Variants in DPYSL2 observed in about 807,000 individuals in gnomAD.
DPYSL2 encodes the protein dihydropyrimidinase like 2.
A neutral mutation model predicts 69.9 loss-of-function variants in DPYSL2; 13 were observed. The observed-to-expected ratio is 0.19, with a 90% CI of 0.12 to 0.30. The LOEUF (loss-of-function observed/expected upper bound fraction) is 0.30. Among genes scored for constraint, DPYSL2 ranks in the 10% least tolerant of loss-of-function variants. The probability of loss-of-function intolerance (pLI) is 1.00; values close to 1 mark genes in which losing one functional copy is unlikely to be tolerated. For synonymous variants in DPYSL2, 326 were observed against 359.1 expected, an observed-to-expected ratio of 0.91 and a Z score of 1.04; for missense variants, 587 against 918.9, an observed-to-expected ratio of 0.64 and a Z score of 4.67.
Position 26,586,851 on chromosome 8 carries a change from CTA to C in DPYSL2, c.628+2871_628+2872del, listed in dbSNP as rs554003129. Among the ~76,000 whole-genome samples, 156 of 152,314 alleles carry C rather than the reference CTA, an allele frequency of 1.0e-3. No homozygotes were observed. The highest frequency in any genetic ancestry group is 2.2e-3 in the African/African-American group (93 of 41,558). ...ACGGAGGCTGTGTGATGCGATCTGG[CTA>C]TAGAGTGGGGCATCCAATGAGCGAA... is the stretch of plus-strand genomic sequence containing the variant. On this transcript the variant is annotated intron_variant, in intron 3 of 13. Coordinates refer to ENST00000521913, the MANE Select transcript of DPYSL2 (RefSeq NM_001197293.3). This position sits in a 1 kb window ranked among gnomAD's most constrained non-coding sequence, Gnocchi z 4.7.
Position 26,653,215 on chromosome 8 carries a change from A to T in DPYSL2, c.1777-17A>T. On this transcript the variant is annotated splice_polypyrimidine_tract_variant and intron_variant, in intron 12 of 13. Transcript: ENST00000521913. This position sits in a 1 kb window ranked among gnomAD's most constrained non-coding sequence, Gnocchi z 5.7. ...TGTGGCTGTGGCCTGAGCTGGGGGG[A>T]CTCTTGTGTTTTGCAGCTGGCTGAG... The T allele has an allele frequency of 1.9e-6, 3 of 1,609,072 alleles. No individual in the cohort carries two copies. In the African/African-American group the frequency reaches 4.0e-5, roughly 22 times the overall value.
In DPYSL2 at chr8:26,634,915, C is replaced by A; in HGVS notation, c.1126+15C>A. 6.2e-7 allele frequency: 1 copy of A among 1,613,732 alleles called. No individual in the cohort carries two copies. The highest frequency in any genetic ancestry group is 1.1e-5 in the South Asian group (1 of 91,056). On this transcript the variant is annotated intron_variant, in intron 8 of 13. Transcript: ENST00000521913. Reference sequence around the variant, plus strand: ...ACGGAAGAAGGGTGAGTGCTGTGGCCGGACTGGCTGATGGCAGGTGGGGAG... The same window carrying A: ...ACGGAAGAAGGGTGAGTGCTGTGGCAGGACTGGCTGATGGCAGGTGGGGAG...
In DPYSL2 at chr8:26,653,538, C is replaced by T; in HGVS notation, c.1942+141C>T. On this transcript the variant is annotated intron_variant, in intron 13 of 13. Coordinates refer to ENST00000521913, the MANE Select transcript of DPYSL2 (RefSeq NM_001197293.3). This position sits in a 1 kb window ranked among gnomAD's most constrained non-coding sequence, Gnocchi z 5.7. ...TCTCCAACGTGAGAAATACAGTGGACTCAGATCTCTGGAGATGTATTTTCT... is the reference window on the plus strand; with the variant it reads ...TCTCCAACGTGAGAAATACAGTGGATTCAGATCTCTGGAGATGTATTTTCT... 1.1e-6 allele frequency: 1 copy of T among 952,140 alleles called. No individual in the cohort carries two copies. The highest frequency in any genetic ancestry group is 1.6e-6 in the Non-Finnish European group (1 of 639,454). The allele number at this position is 952,140 out of a possible 1,614,324, so 59.0% of individuals were successfully genotyped here. A position where few individuals can be genotyped will look rare whatever the true frequency, so the allele number is the denominator to read the frequency against.
rs1389600830 is a variant in DPYSL2, at chr8:26,642,230, C to G, written c.1127-1209C>G. 6.6e-6 allele frequency among the ~76,000 whole-genome samples: 1 copy of G among 152,134 alleles called. No individual in the cohort carries two copies. The highest frequency in any genetic ancestry group is 1.5e-5 in the Non-Finnish European group (1 of 68,026). On this transcript the variant is annotated intron_variant, in intron 8 of 13. Transcript: ENST00000521913. This position sits in a 1 kb window ranked among gnomAD's most constrained non-coding sequence, Gnocchi z 5.3. ...CAGGTAAATGATCTTCAAGGTGTCT[C>G]CATCAGGTGGAAAGTCAAAAATTCA...
At chr8:26,628,999 G>C (rs1802678043) in intron 7 of DPYSL2, among the ~76,000 whole-genome samples, 1 of 152,168 alleles carries the variant, frequency 6.6e-6, no homozygotes, top group South Asian at 2.1e-4. Flanking sequence ...ACTGCCTCGG[G>C]TGCAGGAGGG....
At chr8:26,546,921 CAAAAAAAAAAAAAAAA>C (rs61360009) in intron 1 of DPYSL2, among the ~76,000 whole-genome samples, 3 of 46,206 alleles carry the variant, frequency 6.5e-5, no homozygotes, top group Admixed American at 3.9e-4. Context: ...GACTCAGTCT[CAAAAAAAAAAAAAAAA>C]AAAAAAAAAA....
rs893956619 is a variant in DPYSL2, at chr8:26,624,330, C to G, written c.793+23C>G. 4.3e-6 allele frequency: 7 copies of G among 1,611,592 alleles called. No homozygotes were observed. Among genetic ancestry groups the G allele is most frequent in the Non-Finnish European group, 5.9e-6 (7 of 1,178,434 alleles). On this transcript the variant is annotated intron_variant, in intron 4 of 13. Coordinates refer to ENST00000521913, the MANE Select transcript of DPYSL2 (RefSeq NM_001197293.3). The surrounding 1 kb of genome is among the most constrained non-coding windows in gnomAD (Gnocchi z 4.7). ...ACGGTAGGTTGCACTGAGTCAATGC[C>G]CTCTGCAGATGTTTCCGCTTCAGTC...
intron 10 of DPYSL2, among the ~76,000 whole-genome samples, chr8:26,645,829 T>C (rs1367666543): frequency 6.6e-6 from 1 of 151,970 alleles, no homozygotes; most frequent in Non-Finnish European, 1.5e-5. Flanking sequence ...GCATTACAGA[T>C]GTGAGCCACC....
At chr8:26,556,556 G>A (rs1243506692) in intron 1 of DPYSL2, among the ~76,000 whole-genome samples, 18 of 149,678 alleles carry the variant, frequency 1.2e-4, no homozygotes, top group Non-Finnish European at 4.4e-5. Flanking sequence ...TGAACAATTA[G>A]AATTTATATT....
At chr8:26,522,566 T>C (rs928637112) in intron 1 of DPYSL2, among the ~76,000 whole-genome samples, 4 of 152,230 alleles carry the variant, frequency 2.6e-5, no homozygotes, top group Non-Finnish European at 4.4e-5. Context: ...TGGTATCTCA[T>C]TGAGGCTTTA....
intron 2 of DPYSL2, 102 bp from the exon 3 acceptor site, chr8:26,583,697 C>A: frequency 9.2e-7 from 1 of 1,088,518 alleles, no homozygotes; most frequent in Non-Finnish European, 1.3e-6. Flanking sequence ...AAGCCCACGG[C>A]ACAGAGCGGA....
Position 26,640,434 on chromosome 8 carries a change from C to A in DPYSL2, c.1127-3005C>A, listed in dbSNP as rs77926757. On this transcript the variant is annotated intron_variant, in intron 8 of 13. Coordinates refer to ENST00000521913, the MANE Select transcript of DPYSL2 (RefSeq NM_001197293.3). The surrounding 1 kb of genome is among the most constrained non-coding windows in gnomAD (Gnocchi z 4.2). The stretch of plus-strand genomic sequence containing the variant: ...GCAGAAGGGCCAATTAAGCCCATTT[C>A]GTGGTTTATTATTATTAGTGGTAAT... Among the ~76,000 whole-genome samples the A allele has an allele frequency of 1.8e-4, 28 of 152,278 alleles. No individual in the cohort carries two copies. In the East Asian group the frequency reaches 5.2e-3, roughly 28 times the overall value.
In DPYSL2 at chr8:26,656,835, G is replaced by A. The variant is rs966990313; in HGVS notation, c.*1129G>A. The A allele has an allele frequency of 1.3e-5, 2 of 152,660 alleles. No individual in the cohort carries two copies. The highest frequency in any genetic ancestry group is 2.9e-5 in the Non-Finnish European group (2 of 68,098). 9.5% of individuals were successfully genotyped at this position (152,660 alleles called of 1,614,324 possible). ...CAGACAGGGCCCAGAAGCTTTAGAG[G>A]TATGAGGCTGCAGAACCGGAGAGAT... On this transcript the variant is annotated 3_prime_UTR_variant, in exon 14 of 14. Coordinates refer to ENST00000521913, the MANE Select transcript of DPYSL2 (RefSeq NM_001197293.3).
intron 8 of DPYSL2, among the ~76,000 whole-genome samples, chr8:26,635,262 C>T (rs1802884365): frequency 1.3e-5 from 2 of 152,236 alleles, no homozygotes; most frequent in Non-Finnish European, 2.9e-5. Flanking sequence ...TCACATCATG[C>T]ACCTCCCCTC....
chr8:26,625,076 C>T (rs1260206416), intron 4 of DPYSL2, among the ~76,000 whole-genome samples: 1 of 152,126 alleles, frequency 6.6e-6, no homozygotes, highest in Non-Finnish European at 1.5e-5. Context: ...CTGTGAGTGA[C>T]ATGGCAAGAG....
chr8:26,637,515 C>T (rs1270250172), intron 8 of DPYSL2: 1 of 152,168 alleles, frequency 6.6e-6, no homozygotes, highest in Admixed American at 6.5e-5. Flanking sequence ...TACCTTCATG[C>T]TTTGAGATTA....
At chr8:26,572,381 G>A (rs978991371) in intron 1 of DPYSL2, among the ~76,000 whole-genome samples, 1 of 152,208 alleles carries the variant, frequency 6.6e-6, no homozygotes, top group African/African-American at 2.4e-5. Context: ...CAGTTTGGAT[G>A]ATGCAAACAT....
chr8:26,603,040 G>T (rs1802027380), intron 3 of DPYSL2, among the ~76,000 whole-genome samples: 1 of 152,178 alleles, frequency 6.6e-6, no homozygotes, highest in Non-Finnish European at 1.5e-5. Context: ...GATGAGTCTG[G>T]TGTATTTTAG....
At chr8:26,578,305 A>G in intron 1 of DPYSL2, 1 of 1,614,106 alleles carries the variant, frequency 6.2e-7, no homozygotes, top group Non-Finnish European at 8.5e-7. Flanking sequence ...TGAGTTTGGT[A>G]CTTGGGAAAT....
Sources: gnomAD v4.1 joint callset for allele counts (sites outside exome capture counted in the v4.1 genomes callset) on GRCh38, gnomAD v4.1.1 for gene constraint, Gnocchi (gnomAD v3.1) non-coding constraint, MANE v1.5 for transcripts, NCBI Gene and HGNC (gene_info 2026-07-23, HGNC 2026-07-21) for gene names.